SLC9A9: variants seen among roughly 807,000 people sequenced by gnomAD.
The protein encoded by SLC9A9 is solute carrier family 9 member A9, also known as sodium/hydrogen exchanger 9.
A neutral mutation model predicts 77.8 loss-of-function variants in SLC9A9; 62 were observed. The observed-to-expected ratio is 0.80, with a 90% confidence interval of 0.65 to 0.98. The LOEUF is 0.98. Among genes scored for constraint, SLC9A9 ranks in the 50% least tolerant of loss-of-function variants. The pLI is 0.00. For synonymous variants in SLC9A9, 320 were observed against 283.5 expected (o/e 1.13, Z -1.29); for missense variants, 775 against 774.9 (o/e 1.00, Z 0.00).
chr3:143,698,184 A>G (rs902186443), intron 4 of SLC9A9: 1 of 153,762 alleles, frequency 6.5e-6, no homozygotes, highest in Admixed American at 6.5e-5. Context: ...TCTAGTGCAT[A>G]CAATGCCCTG....
intron 12 of SLC9A9, among the ~76,000 whole-genome samples, chr3:143,413,547 G>A (rs542660965): frequency 2.2e-4 from 33 of 152,246 alleles, no homozygotes; most frequent in African/African-American, 6.3e-4. Context: ...GGCAGCTGGC[G>A]GAAAGAGGAA....
At chr3:143,557,282 G>A (rs1441997588) in intron 8 of SLC9A9, among the ~76,000 whole-genome samples, 1 of 152,210 alleles carries the variant, frequency 6.6e-6, no homozygotes, top group Non-Finnish European at 1.5e-5. Context: ...TTGCAGAACT[G>A]TGAGTCAATT....
At chr3:143,829,692 C>T (rs1000935925) in intron 2 of SLC9A9, among the ~76,000 whole-genome samples, 1 of 152,068 alleles carries the variant, frequency 6.6e-6, no homozygotes, top group East Asian at 1.9e-4. Context: ...ATATATTAAG[C>T]ATTCAAACAT....
chr3:143,370,567 G>GCGCGCGCACACACA (rs373398536), intron 13 of SLC9A9, among the ~76,000 whole-genome samples: 5 of 143,420 alleles, frequency 3.5e-5, no homozygotes, highest in African/African-American at 1.3e-4. Flanking sequence ...GCATGTGCGC[G>GCGCGCGCACACACA]CACACACACA....
At chr3:143,575,954 A>C (rs1405017) in intron 7 of SLC9A9, among the ~76,000 whole-genome samples, 5 of 151,542 alleles carry the variant, frequency 3.3e-5, no homozygotes, top group Non-Finnish European at 7.4e-5. Flanking sequence ...CAATGTCACC[A>C]CTGTTACCGA....
intron 14 of SLC9A9, among the ~76,000 whole-genome samples, chr3:143,309,457 A>T (rs1387819794): frequency 6.7e-6 from 1 of 149,294 alleles, no homozygotes; most frequent in Non-Finnish European, 1.5e-5. Flanking sequence ...TCACCAGATG[A>T]TTTTTTTCCA....
chr3:143,466,116 C>T (rs1446268725), intron 12 of SLC9A9, among the ~76,000 whole-genome samples: 1 of 152,160 alleles, frequency 6.6e-6, no homozygotes, highest in East Asian at 1.9e-4. Flanking sequence ...GCTGTAATAA[C>T]AGACTCTTGA....
At chr3:143,757,877 AAGG>A (rs1283389553) in intron 4 of SLC9A9, among the ~76,000 whole-genome samples, 1 of 152,134 alleles carries the variant, frequency 6.6e-6, no homozygotes, top group Non-Finnish European at 1.5e-5. Context: ...ATAACGAGAT[AAGG>A]AGGAGAAGGA....
intron 6 of SLC9A9, among the ~76,000 whole-genome samples, chr3:143,637,146 T>TA (rs1162968819): frequency 2.6e-5 from 4 of 152,212 alleles, no homozygotes; most frequent in East Asian, 1.9e-4. Context: ...ATGAAAATTC[T>TA]AAAATGACAG....
intron 4 of SLC9A9, among the ~76,000 whole-genome samples, chr3:143,703,065 A>G (rs1041729805): frequency 9.0e-6 from 1 of 110,674 alleles, no homozygotes; most frequent in Non-Finnish European, 2.1e-5. Flanking sequence ...GTACCCAGAT[A>G]TATAAAGCAA....
Position 143,696,045 on chromosome 3 carries a change from A to T in SLC9A9, c.534-2738T>A, listed in dbSNP as rs112481030. Among the ~76,000 whole-genome samples the T allele has an allele frequency of 8.9e-3, 1,354 of 152,280 alleles. 24 individuals are homozygous for T. Among genetic ancestry groups the T allele is most frequent in the African/African-American group, 0.031 (1,290 of 41,542 alleles). On this transcript the variant is annotated intron_variant, in intron 4 of 15. Transcript: ENST00000316549. ...AAGTTCTTTGTAGATTCTGGATATT[A>T]GCCCTTTGTCAGATGGATAGATCGC...
intron 5 of SLC9A9, among the ~76,000 whole-genome samples, chr3:143,688,833 T>A (rs1000856272): frequency 1.3e-5 from 2 of 152,116 alleles, no homozygotes; most frequent in Non-Finnish European, 2.9e-5. Flanking sequence ...TGTTTGTAAC[T>A]TATATGACAG....
intron 12 of SLC9A9, among the ~76,000 whole-genome samples, chr3:143,429,177 A>G (rs186657419): frequency 6.4e-4 from 97 of 152,374 alleles, no homozygotes; most frequent in African/African-American, 2.2e-3. Flanking sequence ...TTATGTATCA[A>G]TTATAAATTA....
At chr3:143,289,176 C>T (rs1312155401) in intron 14 of SLC9A9, among the ~76,000 whole-genome samples, 1 of 152,062 alleles carries the variant, frequency 6.6e-6, no homozygotes, top group Non-Finnish European at 1.5e-5. Context: ...GGGATGCTTA[C>T]AGGGCCCTTG....
intron 6 of SLC9A9, among the ~76,000 whole-genome samples, chr3:143,593,563 A>T (rs2037696854): frequency 6.9e-6 from 1 of 145,716 alleles, no homozygotes; most frequent in Admixed American, 6.7e-5. Context: ...ATGCAAATAG[A>T]AACAGAGGTG....
rs574594691 is a variant in SLC9A9 at position 143,401,687 on chromosome 3, C to T, written c.1470-19573G>A. ...CATGTACAACTCGACATAGACTGTT[C>T]CTATTCCTAGGCTGGATCAGGTTTT... On this transcript the variant is annotated intron_variant, in intron 12 of 15. Transcript: ENST00000316549. Among the ~76,000 whole-genome samples, 3 of 152,192 alleles carry T rather than the reference C, an allele frequency of 2.0e-5. No homozygotes were observed. The East Asian group carries it at 5.8e-4, about 29-fold the overall frequency.
chr3:143,327,063 C>A (rs995899297), intron 14 of SLC9A9, among the ~76,000 whole-genome samples: 1 of 152,024 alleles, frequency 6.6e-6, no homozygotes, highest in African/African-American at 2.4e-5. Flanking sequence ...ATAAATGGTC[C>A]CTGCAAGTAT....
intron 6 of SLC9A9, among the ~76,000 whole-genome samples, chr3:143,580,312 G>T (rs1416819555): frequency 6.6e-6 from 1 of 152,172 alleles, no homozygotes; most frequent in East Asian, 1.9e-4. Flanking sequence ...TTCAGACAAA[G>T]GTTTTTGCAC....
intron 6 of SLC9A9, among the ~76,000 whole-genome samples, chr3:143,606,553 G>A (rs984793163): frequency 6.7e-6 from 1 of 149,128 alleles, no homozygotes; most frequent in Non-Finnish European, 1.5e-5. Flanking sequence ...AGAACAGCCT[G>A]AAAGATTTTC....
Sources: gnomAD v4.1 joint callset for allele counts (sites outside exome capture counted in the v4.1 genomes callset) on GRCh38, gnomAD v4.1.1 for gene constraint, MANE v1.5 for transcripts, NCBI Gene and HGNC (gene_info 2026-07-23, HGNC 2026-07-21) for gene names.